The following TBC1D5 variants were observed in gnomAD, a reference collection of about 807,000 sequenced individuals.
TBC1D5 encodes the protein TBC1 domain family, member 5.
Under a neutral mutation model 100.3 loss-of-function variants are expected in TBC1D5, and 75 were observed. That is an observed-to-expected ratio of 0.75 (90% CI 0.62 to 0.91). TBC1D5 has a LOEUF of 0.91. TBC1D5 is among the 40% of genes least tolerant of loss of function. The pLI, the probability that TBC1D5 is intolerant of heterozygous loss-of-function variation, is 0.00. For synonymous variants in TBC1D5, 323 were observed against 325.6 expected, an observed-to-expected ratio of 0.99 and a Z score of 0.09; for missense variants, 910 against 942.4, an observed-to-expected ratio of 0.97 and a Z score of 0.45.
At chr3:17,627,115 C>T (rs769507698) in intron 1 of TBC1D5, among the ~76,000 whole-genome samples, 1 of 152,106 alleles carries the variant, frequency 6.6e-6, no homozygotes, top group Non-Finnish European at 1.5e-5. Flanking sequence ...TGGTATAGAA[C>T]TGGCAGGAGC....
At chr3:17,541,322 C>T (rs1486853825) in intron 2 of TBC1D5, among the ~76,000 whole-genome samples, 1 of 151,958 alleles carries the variant, frequency 6.6e-6, no homozygotes, top group Non-Finnish European at 1.5e-5. Flanking sequence ...TGTGTTTCCA[C>T]TTATTTATGT....
chr3:17,515,843 C>T (rs1337625920), intron 2 of TBC1D5, among the ~76,000 whole-genome samples: 1 of 152,094 alleles, frequency 6.6e-6, no homozygotes, highest in South Asian at 2.1e-4. Flanking sequence ...GCTGTGGATA[C>T]AGCATAATTC....
chr3:17,384,056 T>C, intron 8 of TBC1D5, 41 bp from the exon 9 acceptor site: 1 of 1,508,254 alleles, frequency 6.6e-7, no homozygotes. Flanking sequence ...ACTAACACAG[T>C]TTCAAGAATC....
chr3:17,488,695 G>A (rs957746324), intron 3 of TBC1D5, among the ~76,000 whole-genome samples: 1 of 151,972 alleles, frequency 6.6e-6, no homozygotes, highest in African/African-American at 2.4e-5. Context: ...GTGGTATCTT[G>A]GTGTTATTTT....
intron 8 of TBC1D5, among the ~76,000 whole-genome samples, chr3:17,386,883 A>G (rs1323613710): frequency 3.9e-5 from 6 of 152,162 alleles, no homozygotes; most frequent in Non-Finnish European, 7.4e-5. Context: ...CACTTTCAAG[A>G]TTAAAAACTA....
At chr3:17,265,233 G>GTCACAATTTTTACAT (rs1370723409) in intron 15 of TBC1D5, among the ~76,000 whole-genome samples, 2 of 144,892 alleles carry the variant, frequency 1.4e-5, no homozygotes, top group Non-Finnish European at 3.0e-5. Flanking sequence ...AAAAATGATA[G>GTCACAATTTTTACAT]TCACAATTTT....
At chr3:17,224,134 G>A (rs2074589419) in intron 17 of TBC1D5, among the ~76,000 whole-genome samples, 1 of 152,132 alleles carries the variant, frequency 6.6e-6, no homozygotes, top group South Asian at 2.1e-4. Flanking sequence ...CAGGCTTCTT[G>A]TATTCAATTA....
At chr3:17,296,368 G>GA (rs998397697) in intron 14 of TBC1D5, among the ~76,000 whole-genome samples, 1 of 152,162 alleles carries the variant, frequency 6.6e-6, no homozygotes, top group African/African-American at 2.4e-5. Flanking sequence ...AATGCTCTCT[G>GA]AAAAAAATAT....
At chr3:17,489,115 T>C (rs1187764921) in intron 3 of TBC1D5, among the ~76,000 whole-genome samples, 1 of 151,854 alleles carries the variant, frequency 6.6e-6, no homozygotes, top group African/African-American at 2.4e-5. Flanking sequence ...CATTTTAAAA[T>C]TAACCATAAA....
At chr3:17,679,802 G>C (rs577645623) in intron 1 of TBC1D5, among the ~76,000 whole-genome samples, 1 of 151,330 alleles carries the variant, frequency 6.6e-6, no homozygotes. Context: ...ATTTATCTTT[G>C]AATAGAGTTT....
chr3:17,412,587 T>C (rs1043655334), intron 4 of TBC1D5, among the ~76,000 whole-genome samples: 2 of 152,068 alleles, frequency 1.3e-5, no homozygotes, highest in Admixed American at 6.6e-5. Context: ...AAAAAAGTAG[T>C]TGCTAAACTT....
At chr3:17,350,408 G>A (rs945881634) in intron 13 of TBC1D5, among the ~76,000 whole-genome samples, 10 of 152,286 alleles carry the variant, frequency 6.6e-5, no homozygotes, top group Non-Finnish European at 1.3e-4. Flanking sequence ...CTAACAGCTT[G>A]AGCCAGAGTC....
chr3:17,722,149 G>A (rs558053873), intron 1 of TBC1D5, among the ~76,000 whole-genome samples: 1 of 152,098 alleles, frequency 6.6e-6, no homozygotes, highest in Admixed American at 6.5e-5. Flanking sequence ...TACTATCAAC[G>A]TCCTTAACTC....
At chr3:17,614,709 C>T (rs1465426236) in intron 2 of TBC1D5, among the ~76,000 whole-genome samples, 3 of 152,064 alleles carry the variant, frequency 2.0e-5, no homozygotes, top group Non-Finnish European at 4.4e-5. Context: ...TATAGGAATG[C>T]CTGTGATTTT....
chr3:17,314,742 C>T (rs766703368), intron 13 of TBC1D5, among the ~76,000 whole-genome samples: 2 of 152,074 alleles, frequency 1.3e-5, no homozygotes, highest in Non-Finnish European at 2.9e-5. Context: ...TGTTTCCTGT[C>T]GATATTTTGG....
At chr3:17,585,090 C>A (rs1350191017) in intron 2 of TBC1D5, among the ~76,000 whole-genome samples, 3 of 152,170 alleles carry the variant, frequency 2.0e-5, no homozygotes, top group Non-Finnish European at 4.4e-5. Context: ...CATGCCCAAC[C>A]AGGATTAGGG....
intron 18 of TBC1D5, among the ~76,000 whole-genome samples, chr3:17,197,698 T>C (rs1021230688): frequency 2.6e-5 from 4 of 152,164 alleles, no homozygotes; most frequent in Admixed American, 2.6e-4. Flanking sequence ...TGCATGTCTT[T>C]GCATAGCATA....
intron 2 of TBC1D5, among the ~76,000 whole-genome samples, chr3:17,531,182 C>T (rs1432967500): frequency 1.3e-5 from 2 of 152,176 alleles, no homozygotes; most frequent in African/African-American, 2.4e-5. Flanking sequence ...CATTCTTATA[C>T]AGCAATAACA....
intron 21 of TBC1D5, among the ~76,000 whole-genome samples, chr3:17,161,617 C>A (rs374145736): frequency 8.5e-5 from 13 of 152,234 alleles, no homozygotes; most frequent in African/African-American, 3.1e-4. Flanking sequence ...TCATGTGGGA[C>A]CCTGCCATGC....
Sources: allele counts gnomAD v4.1 joint callset (sites outside exome capture counted in the v4.1 genomes callset), GRCh38; gene constraint gnomAD v4.1.1; transcripts MANE v1.5; gene names NCBI Gene and HGNC (gene_info 2026-07-23, HGNC 2026-07-21).